Variants in SMC5 observed in about 807,000 individuals in gnomAD.
The protein encoded by SMC5 is structural maintenance of chromosomes protein 5.
SMC5 carries 88 observed loss-of-function variants against 148.3 expected under a neutral mutation model. That is an observed-to-expected ratio of 0.59 (90% CI 0.50 to 0.71). The LOEUF (loss-of-function observed/expected upper bound fraction) is 0.71, where lower values mean the gene tolerates loss of function less well. SMC5 is among the 30% of genes least tolerant of loss of function. SMC5 has a pLI of 0.00. For synonymous variants in SMC5, 421 were observed against 432.8 expected (o/e 0.97, Z 0.34); for missense variants, 1,142 against 1,298.9 (o/e 0.88, Z 1.86).
At chr9:70,285,608 C>T (rs1196717781) in intron 7 of SMC5, among the ~76,000 whole-genome samples, 1 of 152,158 alleles carries the variant, frequency 6.6e-6, no homozygotes, top group South Asian at 2.1e-4. Flanking sequence ...AACCAAGGAC[C>T]GACCTTGCAA....
rs546940847 is a variant in SMC5, at chr9:70,353,863, C to G, written c.*1532C>G. 5.3e-5 allele frequency: 8 copies of G among 152,154 alleles called. No homozygotes were observed. The highest frequency in any genetic ancestry group is 1.7e-4 in the African/African-American group (7 of 41,432). 9.4% of individuals were successfully genotyped at this position (152,154 alleles called of 1,614,324 possible). On this transcript the variant is annotated 3_prime_UTR_variant, in exon 25 of 25. Coordinates refer to ENST00000361138, the MANE Select transcript of SMC5 (RefSeq NM_015110.4). ...AATGGATATTACCAAATGTTTTCAT[C>G]GTTAATTACTTTGCGTTCCACCAAA...
chr9:70,333,707 G>A (rs1448973175), intron 17 of SMC5, among the ~76,000 whole-genome samples: 1 of 152,092 alleles, frequency 6.6e-6, no homozygotes, highest in East Asian at 1.9e-4. Flanking sequence ...CTCCAGCCTG[G>A]GTGACAGAGT....
chr9:70,285,373 A>T (rs943536), intron 7 of SMC5, among the ~76,000 whole-genome samples: 32,771 of 152,188 alleles, frequency 0.22, 3,676 homozygotes, highest in South Asian at 0.28. Context: ...ACAACATTTT[A>T]AAAGTCCTGT....
chr9:70,348,172 G>A, intron 22 of SMC5, 134 bp downstream of exon 22: 1 of 872,636 alleles, frequency 1.1e-6, no homozygotes, highest in Non-Finnish European at 1.6e-6. Flanking sequence ...TTGAAAGAAA[G>A]GAGAAAACCA....
At chr9:70,313,877 C>T (rs2035725622) in intron 11 of SMC5, among the ~76,000 whole-genome samples, 1 of 152,134 alleles carries the variant, frequency 6.6e-6, no homozygotes, top group African/African-American at 2.4e-5. Context: ...TTATCTTCTT[C>T]CAAAGAGACT....
intron 10 of SMC5, 66 bp from the exon 11 acceptor site, chr9:70,305,181 T>C: frequency 1.4e-6 from 1 of 695,138 alleles, no homozygotes; most frequent in Non-Finnish European, 2.5e-6. Flanking sequence ...CCAATTTTAA[T>C]ATAAACATGT....
rs750203173 is a variant in SMC5, at chr9:70,298,048, T to G, written c.1136T>G (p.Met379Arg). The G allele has an allele frequency of 2.0e-5, 32 of 1,613,684 alleles. No individual in the cohort carries two copies. The highest frequency in any genetic ancestry group is 2.7e-5 in the African/African-American group (2 of 74,850). Residue 379 changes from methionine (M) to arginine (R), a missense_variant, in exon 9 of 25, where the codon ATG becomes AGG. By Grantham distance (91) the Met-to-Arg change is moderately conservative. Coordinates refer to ENST00000361138, the MANE Select transcript of SMC5 (RefSeq NM_015110.4). Reference protein sequence around the residue: ...RQRRIGNTRKMIEDLQNELKT... With the variant: ...RQRRIGNTRKRIEDLQNELKT... ...AGGAGAATAGGTAATACCCGCAAAA[T>G]GATAGAGGATTTGCAAAATGAACTA...
At chr9:70,272,182 A>G (rs1359514380) in intron 3 of SMC5, among the ~76,000 whole-genome samples, 1 of 152,188 alleles carries the variant, frequency 6.6e-6, no homozygotes, top group African/African-American at 2.4e-5. Flanking sequence ...GGACTCCAAG[A>G]TGTCTGGCAT....
rs889483328 is a variant in SMC5 at position 70,312,692 on chromosome 9, T to C, written c.1579-2050T>C. On this transcript the variant is annotated intron_variant, in intron 11 of 24. Coordinates refer to ENST00000361138, the MANE Select transcript of SMC5 (RefSeq NM_015110.4). The stretch of plus-strand genomic sequence containing the variant: ...TCCTGCATCTACTAAGATGATAATA[T>C]GGGTTTTGCACTTTATTCTGTTAAT... Among the ~76,000 whole-genome samples the C allele has an allele frequency of 2.6e-5, 4 of 152,340 alleles. 1 individual carries two copies. Among genetic ancestry groups the C allele is most frequent in the African/African-American group, 9.6e-5 (4 of 41,570 alleles).
chr9:70,264,801 A>G (rs2034232894), intron 2 of SMC5, among the ~76,000 whole-genome samples: 1 of 152,232 alleles, frequency 6.6e-6, no homozygotes, highest in Admixed American at 6.5e-5. Flanking sequence ...GAGAAAATGC[A>G]TCATTAGACA....
At chr9:70,343,459 C>T (rs1421205504) in intron 17 of SMC5, among the ~76,000 whole-genome samples, 1 of 152,152 alleles carries the variant, frequency 6.6e-6, no homozygotes, top group Non-Finnish European at 1.5e-5. Context: ...GTTCTAACTA[C>T]ATTTGAGTGC....
chr9:70,264,336 C>T lies in SMC5; in HGVS notation c.218C>T (p.Pro73Leu), dbSNP rs1362322203. The T allele has an allele frequency of 6.2e-7, 1 of 1,613,668 alleles. No individual in the cohort carries two copies. The highest frequency in any genetic ancestry group is 1.3e-5 in the African/African-American group (1 of 74,856). The change falls in exon 2 of 25, where the codon CCC (proline) becomes CTC (leucine). Residue 73 changes from proline (P) to leucine (L), a missense_variant. This residue lies in a region of SMC5 where 297 missense variants were observed against 302.6 expected (regional missense o/e 0.98). Transcript: ENST00000361138. ...TYDICEVSPG[P>L]HLNMIVGANG... ...GATATTTGTGAAGTATCTCCTGGAC[C>T]CCACTTGAATATGATCGTTGGAGCC... is the stretch of plus-strand genomic sequence containing the variant.
chr9:70,263,898 A>G (rs2034204550), intron 1 of SMC5, among the ~76,000 whole-genome samples: 1 of 152,262 alleles, frequency 6.6e-6, no homozygotes, highest in Admixed American at 6.5e-5. Flanking sequence ...ATGAATAACC[A>G]TTAAGCATTA....
chr9:70,345,766 A>G (rs181571288), intron 18 of SMC5, among the ~76,000 whole-genome samples: 26 of 152,276 alleles, frequency 1.7e-4, no homozygotes, highest in Admixed American at 5.2e-4. Context: ...AAGTGACATT[A>G]CTACTTTTAT....
intron 1 of SMC5, among the ~76,000 whole-genome samples, chr9:70,261,563 G>A (rs1164535838): frequency 6.6e-6 from 1 of 152,198 alleles, no homozygotes; most frequent in South Asian, 2.1e-4. Context: ...TTCCTTTGTG[G>A]CATCTAAGAG....
chr9:70,286,107 G>C lies in SMC5; in HGVS notation c.982-93G>C, dbSNP rs1443044732. 5.2e-6 allele frequency: 4 copies of C among 771,040 alleles called. No homozygotes were observed. In the East Asian group the frequency reaches 1.0e-4, roughly 20 times the overall value. The allele number at this position is 771,040 out of a possible 1,614,324, so 47.8% of individuals were successfully genotyped here. ...TTTTGCTTGATGTAAATTGTTGTGGGTTAACTCGATATTTGAATGGGCAGG... is the reference window on the plus strand; with the variant it reads ...TTTTGCTTGATGTAAATTGTTGTGGCTTAACTCGATATTTGAATGGGCAGG... On this transcript the variant is annotated intron_variant, in intron 7 of 24. Coordinates refer to ENST00000361138, the MANE Select transcript of SMC5 (RefSeq NM_015110.4).
rs2036822088 is a variant in SMC5 at position 70,352,214 on chromosome 9, T to C, written c.3189T>C (p.Ser1063=). 6.2e-7 allele frequency: 1 copy of C among 1,611,208 alleles called. No individual in the cohort carries two copies. The highest frequency in any genetic ancestry group is 1.3e-5 in the African/African-American group (1 of 74,734). The change falls in exon 25 of 25, where the codon TCT becomes TCC. Residue 1063 remains serine (S), a synonymous_variant. Transcript: ENST00000361138. ...AGCTCCTGCAAAATCTTCCTTATTC[T>C]GAAAAGATGACAGTTTTGTTTGTCT... ...TPKLLQNLPY[S]EKMTVLFVYN...
At chr9:70,263,629 T>C (rs1448341624) in intron 1 of SMC5, among the ~76,000 whole-genome samples, 4 of 152,220 alleles carry the variant, frequency 2.6e-5, no homozygotes, top group Non-Finnish European at 5.9e-5. Flanking sequence ...AGATGCTAAC[T>C]ATAATTAGAG....
intron 11 of SMC5, among the ~76,000 whole-genome samples, chr9:70,308,678 C>G (rs189898466): frequency 3.6e-4 from 53 of 147,534 alleles, no homozygotes; most frequent in Admixed American, 7.5e-4. Context: ...CTATTAATGT[C>G]TCTCAACATT....
Sources: gnomAD v4.1 joint callset for allele counts (sites outside exome capture counted in the v4.1 genomes callset) on GRCh38, gnomAD v4.1.1 for gene constraint, gnomAD v4.1.1 regional missense constraint, MANE v1.5 for transcripts, NCBI Gene and HGNC (gene_info 2026-07-23, HGNC 2026-07-21) for gene names.